Variants in XKR9 observed in about 807,000 individuals in gnomAD.
XKR9 encodes the protein XK-related protein 9.
XKR9 carries 32 observed loss-of-function variants against 32.0 expected under a neutral mutation model. That is an observed-to-expected ratio of 1.00 (90% CI 0.76 to 1.34). XKR9 has a LOEUF of 1.34. Ranked by LOEUF, XKR9 falls within the 40% of genes most tolerant of loss-of-function variation. The pLI is 0.00. For missense variants in XKR9, 546 were observed against 429.7 expected, an observed-to-expected ratio of 1.27 and a Z score of -2.39; for synonymous variants, 168 against 143.4, an observed-to-expected ratio of 1.17 and a Z score of -1.22.
the XKR9 span, among the ~76,000 whole-genome samples, chr8:70,876,856 G>T: frequency 6.6e-6 from 1 of 152,038 alleles, no homozygotes; most frequent in East Asian, 1.9e-4. Context: ...GTTGAGATCT[G>T]GACTATGAAG....
chr8:70,879,513 G>T, the XKR9 span, among the ~76,000 whole-genome samples: 2 of 152,156 alleles, frequency 1.3e-5, no homozygotes, highest in African/African-American at 4.8e-5. Context: ...ACTACCATCA[G>T]AGAATACTAT....
the XKR9 span, among the ~76,000 whole-genome samples, chr8:70,942,617 T>G: frequency 2.0e-5 from 3 of 152,178 alleles, no homozygotes; most frequent in Admixed American, 6.5e-5. Context: ...GCATTGGACA[T>G]ACATGGTCTT....
chr8:71,019,931 A>G, the XKR9 span, among the ~76,000 whole-genome samples: 3 of 152,322 alleles, frequency 2.0e-5, no homozygotes, highest in African/African-American at 7.2e-5. Flanking sequence ...AAATACTGAC[A>G]TACCTTCTAC....
chr8:70,708,046 T>A (rs1441029828), intron 4 of XKR9, among the ~76,000 whole-genome samples: 8 of 152,064 alleles, frequency 5.3e-5, no homozygotes, highest in Non-Finnish European at 1.5e-5. Context: ...AAACAGTGTC[T>A]CTGTTCCCAT....
chr8:70,877,447 C>G, the XKR9 span, among the ~76,000 whole-genome samples: 1 of 151,914 alleles, frequency 6.6e-6, no homozygotes, highest in Non-Finnish European at 1.5e-5. Context: ...TAATTGAGGC[C>G]TAGATAATTT....
intron 4 of XKR9, among the ~76,000 whole-genome samples, chr8:70,710,820 G>T (rs143216975): frequency 3.2e-4 from 49 of 152,218 alleles, no homozygotes; most frequent in African/African-American, 1.2e-3. Flanking sequence ...CATGGCAAAA[G>T]AAACTATCAG....
chr8:70,745,323 T>C (rs1807044182), intron 2 of XKR9, among the ~76,000 whole-genome samples: 1 of 152,224 alleles, frequency 6.6e-6, no homozygotes, highest in Admixed American at 6.5e-5. Context: ...AATTTTGGGC[T>C]TTTTCTAGAT....
At chr8:70,871,266 A>G in the XKR9 span, among the ~76,000 whole-genome samples, 2 of 152,208 alleles carry the variant, frequency 1.3e-5, no homozygotes, top group African/African-American at 4.8e-5. Flanking sequence ...ATAACTAATC[A>G]TAAGCTTTCT....
chr8:70,985,985 G>A, the XKR9 span, among the ~76,000 whole-genome samples: 237 of 151,956 alleles, frequency 1.6e-3, no homozygotes, highest in African/African-American at 5.5e-3. Context: ...GATTACAGAG[G>A]GCAAGTAGTT....
chr8:70,785,437 T>TA (rs1161476205), intron 2 of XKR9, among the ~76,000 whole-genome samples: 1 of 151,748 alleles, frequency 6.6e-6, no homozygotes, highest in Non-Finnish European at 1.5e-5. Context: ...TTTATCTTTT[T>TA]AAAAAATCAA....
intron 3 of XKR9, among the ~76,000 whole-genome samples, chr8:70,703,562 C>A (rs1055174987): frequency 1.3e-5 from 2 of 152,090 alleles, no homozygotes; most frequent in Non-Finnish European, 2.9e-5. Flanking sequence ...AGGCTCTCCA[C>A]CTCAAATATC....
At chr8:70,840,172 T>A in the XKR9 span, among the ~76,000 whole-genome samples, 6 of 152,274 alleles carry the variant, frequency 3.9e-5, no homozygotes, top group Non-Finnish European at 8.8e-5. Flanking sequence ...ACCTCCATGA[T>A]CTTCTGGCCT....
At chr8:70,905,898 G>C in the XKR9 span, among the ~76,000 whole-genome samples, 1 of 152,230 alleles carries the variant, frequency 6.6e-6, no homozygotes, top group Admixed American at 6.5e-5. Context: ...GTCCACTCCA[G>C]ACCCTGTTTG....
At position 70,729,020 on chromosome 8, in the gene XKR9, T is replaced by C. The variant is rs112782270; in HGVS notation, c.494-4776T>C. 9.4e-3 allele frequency among the ~76,000 whole-genome samples: 1,433 copies of C among 152,298 alleles called. 6 individuals are homozygous for C. The highest frequency in any genetic ancestry group is 0.013 in the Non-Finnish European group (852 of 68,034). ...TACTTACCACAGATCAGGAACCTTG[T>C]ACAGGGACTGTGTGGACAGAGTATG... On this transcript the variant is annotated intron_variant, in intron 4 of 4. Transcript: ENST00000408926.
the XKR9 span, among the ~76,000 whole-genome samples, chr8:71,003,815 T>C: frequency 6.6e-6 from 1 of 152,214 alleles, no homozygotes; most frequent in Non-Finnish European, 1.5e-5. Context: ...TATCTACTGG[T>C]TCATTAGGCC....
chr8:70,974,988 A>G, the XKR9 span, among the ~76,000 whole-genome samples: 6 of 152,234 alleles, frequency 3.9e-5, no homozygotes. Flanking sequence ...TCTGATGACC[A>G]GTGATGATAA....
the XKR9 span, among the ~76,000 whole-genome samples, chr8:70,868,894 G>T: frequency 6.6e-6 from 1 of 152,106 alleles, no homozygotes; most frequent in Non-Finnish European, 1.5e-5. Context: ...TTGCTGCTTA[G>T]AAATTTATTC....
At chr8:70,929,845 A>G in the XKR9 span, among the ~76,000 whole-genome samples, 17 of 152,186 alleles carry the variant, frequency 1.1e-4, no homozygotes, top group East Asian at 3.8e-4. Flanking sequence ...GTTAATCTCA[A>G]TATTTTAAAA....
the XKR9 span, among the ~76,000 whole-genome samples, chr8:70,961,847 T>G: frequency 6.6e-6 from 1 of 152,144 alleles, no homozygotes; most frequent in Non-Finnish European, 1.5e-5. Flanking sequence ...AGAGCTAAAC[T>G]TTGGTGAACA....
Sources: allele counts gnomAD v4.1 joint callset (sites outside exome capture counted in the v4.1 genomes callset), GRCh38; gene constraint gnomAD v4.1.1; transcripts MANE v1.5; gene names NCBI Gene and HGNC (gene_info 2026-07-23, HGNC 2026-07-21).